UBE2Q2: variants seen among roughly 807,000 people sequenced by gnomAD.
The protein encoded by UBE2Q2 is ubiquitin conjugating enzyme E2 Q2.
UBE2Q2 carries 54 observed loss-of-function variants against 59.9 expected under a neutral mutation model. The ratio of observed to expected loss-of-function variants is 0.90; its 90% CI spans 0.72 to 1.13. The LOEUF is 1.13. Ranked by LOEUF, UBE2Q2 falls within the 50% of genes most tolerant of loss-of-function variation. The probability of loss-of-function intolerance (pLI) is 0.00; values close to 1 mark genes in which losing one functional copy is unlikely to be tolerated. For synonymous variants in UBE2Q2, 165 were observed against 155.2 expected (o/e 1.06, Z -0.47); for missense variants, 433 against 441.9 (o/e 0.98, Z 0.18).
chr15:75,890,347 T>C (rs538323126), intron 9 of UBE2Q2, 88 bp from the exon 10 acceptor site: 17 of 923,392 alleles, frequency 1.8e-5, no homozygotes, highest in African/African-American at 5.0e-5. Context: ...CTTACTTGTG[T>C]GCATATTTTC....
intron 8 of UBE2Q2, 32 bp downstream of exon 8, chr15:75,879,220 T>C: frequency 7.8e-7 from 1 of 1,273,954 alleles, no homozygotes; most frequent in Non-Finnish European, 1.1e-6. Flanking sequence ...CCCATATACT[T>C]CCAGTGGGGT....
At chr15:75,874,459 T>G (rs1044117691) in intron 5 of UBE2Q2, among the ~76,000 whole-genome samples, 10 of 151,990 alleles carry the variant, frequency 6.6e-5, no homozygotes, top group Admixed American at 4.6e-4. Context: ...AATTTTTGTA[T>G]TTTTAGTAGA....
In UBE2Q2 at chr15:75,899,647, T is replaced by C. The variant is rs1899648732; in HGVS notation, c.*189T>C. On this transcript the variant is annotated 3_prime_UTR_variant, in exon 13 of 13. Transcript: ENST00000267938. ...CTTTGCATTTTGCTCATTTTAGATATCTTGGACTGAGCAGTGGGGCCTTTA... is the reference window on the plus strand; with the variant it reads ...CTTTGCATTTTGCTCATTTTAGATACCTTGGACTGAGCAGTGGGGCCTTTA... The C allele has an allele frequency of 2.4e-6, 1 of 410,280 alleles. No homozygotes were observed. The highest frequency in any genetic ancestry group is 3.5e-4 in the Middle Eastern group (1 of 2,826). 25.4% of individuals were successfully genotyped at this position (410,280 alleles called of 1,614,324 possible). A position where few individuals can be genotyped will look rare whatever the true frequency, so the allele number is the denominator to read the frequency against.
Position 75,868,932 on chromosome 15 carries a change from G to A in UBE2Q2, c.388-19G>A. On this transcript the variant is annotated intron_variant, in intron 3 of 12. Coordinates refer to ENST00000267938, the MANE Select transcript of UBE2Q2 (RefSeq NM_173469.4). ...ATATTTGTTCTGTATAGCCCTGGCA[G>A]ATTCTTTCTCTGTTTCAGAATGGGA... 1 of 1,612,230 alleles carries A rather than the reference G, an allele frequency of 6.2e-7. No homozygotes were observed. The highest frequency in any genetic ancestry group is 8.5e-7 in the Non-Finnish European group (1 of 1,178,676).
At chr15:75,872,842 T>A (rs547447729) in intron 4 of UBE2Q2, among the ~76,000 whole-genome samples, 2 of 151,950 alleles carry the variant, frequency 1.3e-5, no homozygotes, top group Non-Finnish European at 2.9e-5. Context: ...TGTGCTTATT[T>A]CAGCGTAACT....
intron 2 of UBE2Q2, among the ~76,000 whole-genome samples, chr15:75,854,922 A>G (rs1249637886): frequency 6.6e-6 from 1 of 152,088 alleles, no homozygotes; most frequent in Non-Finnish European, 1.5e-5. Context: ...TTTTTAGTAT[A>G]TAAAGAAATA....
chr15:75,850,042 A>G lies in UBE2Q2; in HGVS notation c.181-4344A>G, dbSNP rs116596321. On this transcript the variant is annotated intron_variant, in intron 1 of 12. Transcript: ENST00000267938. ...TGTGAAAGATTGAAAATATTAATACATAGGTTTAAATATTGGTCATTATTT... is the reference window on the plus strand; with the variant it reads ...TGTGAAAGATTGAAAATATTAATACGTAGGTTTAAATATTGGTCATTATTT... Among the ~76,000 whole-genome samples the G allele has an allele frequency of 2.1e-3, 317 of 152,342 alleles. 1 individual carries two copies. The highest frequency in any genetic ancestry group is 7.1e-3 in the African/African-American group (296 of 41,586).
At chr15:75,860,656 A>G (rs1897161815) in intron 3 of UBE2Q2, among the ~76,000 whole-genome samples, 1 of 152,040 alleles carries the variant, frequency 6.6e-6, no homozygotes, top group Admixed American at 6.6e-5. Context: ...TGTCTTCCTC[A>G]TAATAGTAAT....
At position 75,883,251 on chromosome 15, in the gene UBE2Q2, C is replaced by T. The variant is rs1015360760; in HGVS notation, c.826-115C>T. The T allele has an allele frequency of 6.3e-6, 6 of 955,854 alleles. No homozygotes were observed. The South Asian group carries it at 8.8e-5, about 14-fold the overall frequency. The allele number at this position is 955,854 out of a possible 1,614,324, so 59.2% of individuals were successfully genotyped here. On this transcript the variant is annotated intron_variant, in intron 8 of 12. Coordinates refer to ENST00000267938, the MANE Select transcript of UBE2Q2 (RefSeq NM_173469.4). ...TTGGGTACTAATTTTATGACTCTTA[C>T]CCATTATCTGATAATAAATGTACAC...
At chr15:75,898,145 T>C (rs1426643223) in intron 12 of UBE2Q2, among the ~76,000 whole-genome samples, 1 of 152,224 alleles carries the variant, frequency 6.6e-6, no homozygotes, top group Non-Finnish European at 1.5e-5. Context: ...GTACTTAGTC[T>C]AATTTGCCTT....
chr15:75,870,092 CAG>C (rs1265162523), intron 4 of UBE2Q2, among the ~76,000 whole-genome samples: 4 of 151,912 alleles, frequency 2.6e-5, no homozygotes, highest in Non-Finnish European at 5.9e-5. Context: ...TTTTTTGAGA[CAG>C]GGTCTCACTG....
intron 1 of UBE2Q2, 89 bp downstream of exon 1, chr15:75,843,935 A>G: frequency 7.0e-7 from 1 of 1,425,664 alleles, no homozygotes; most frequent in Non-Finnish European, 9.1e-7. Flanking sequence ...CCTGCCCCGG[A>G]GAGGCTCCGG....
chr15:75,883,715 A>G (rs532089579), intron 9 of UBE2Q2, among the ~76,000 whole-genome samples: 2 of 152,156 alleles, frequency 1.3e-5, no homozygotes, highest in East Asian at 3.9e-4. Flanking sequence ...TTACATTTTT[A>G]AGAAGTTTCC....
intron 2 of UBE2Q2, 36 bp from the exon 3 acceptor site, chr15:75,859,842 T>A: frequency 2.7e-6 from 4 of 1,498,954 alleles, no homozygotes; most frequent in Non-Finnish European, 3.6e-6. Context: ...AAGGGCTCTT[T>A]AACATAATGC....
At chr15:75,886,124 A>C (rs1898751545) in intron 9 of UBE2Q2, among the ~76,000 whole-genome samples, 1 of 112,562 alleles carries the variant, frequency 8.9e-6, no homozygotes, top group Non-Finnish European at 1.9e-5. Context: ...ATTGTGTTTT[A>C]GTTTTTTTTT....
At chr15:75,855,511 G>A (rs1234782617) in intron 2 of UBE2Q2, among the ~76,000 whole-genome samples, 6 of 151,056 alleles carry the variant, frequency 4.0e-5, no homozygotes, top group African/African-American at 9.7e-5. Flanking sequence ...AAAAATTACT[G>A]TATTTTCCCA....
At chr15:75,868,343 A>G (rs1480584079) in intron 3 of UBE2Q2, among the ~76,000 whole-genome samples, 2 of 152,250 alleles carry the variant, frequency 1.3e-5, no homozygotes, top group Admixed American at 6.5e-5. Flanking sequence ...TGAACTTGAT[A>G]AATTGTAAAT....
intron 8 of UBE2Q2, among the ~76,000 whole-genome samples, chr15:75,883,057 A>G (rs1898524939): frequency 6.6e-6 from 1 of 152,190 alleles, no homozygotes; most frequent in African/African-American, 2.4e-5. Context: ...TCTAGTTCTC[A>G]GTCAGAAGAT....
At position 75,843,561 on chromosome 15, in the gene UBE2Q2, GGCCGGCCC is replaced by G; in HGVS notation, c.-105_-98del. 1 of 917,066 alleles carries G rather than the reference GGCCGGCCC, an allele frequency of 1.1e-6. No individual in the cohort carries two copies. The highest frequency in any genetic ancestry group is 1.5e-6 in the Non-Finnish European group (1 of 673,932). 56.8% of individuals were successfully genotyped at this position (917,066 alleles called of 1,614,324 possible). A position where few individuals can be genotyped will look rare whatever the true frequency, so the allele number is the denominator to read the frequency against. On this transcript the variant is annotated 5_prime_UTR_variant, in exon 1 of 13. Transcript: ENST00000267938. The stretch of plus-strand genomic sequence containing the variant: ...GGCGGAGCCGCGAGAGCGCGGCCCA[GGCCGGCCC>G]CGCGGGGCGGTCGCGGCCGTGACGG...
Sources: allele counts gnomAD v4.1 joint callset (sites outside exome capture counted in the v4.1 genomes callset), GRCh38; gene constraint gnomAD v4.1.1; transcripts MANE v1.5; gene names NCBI Gene and HGNC (gene_info 2026-07-23, HGNC 2026-07-21).